Variants in DAB1 observed in about 807,000 individuals in gnomAD.
DAB1 encodes disabled homolog 1.
DAB1 carries 15 observed loss-of-function variants against 64.6 expected under a neutral mutation model. That is an observed-to-expected ratio of 0.23 (90% CI 0.16 to 0.36). The LOEUF (loss-of-function observed/expected upper bound fraction) is 0.36. Among genes scored for constraint, DAB1 ranks in the 10% least tolerant of loss-of-function variants. The pLI is 1.00. For synonymous variants in DAB1, 235 were observed against 251.9 expected (o/e 0.93, Z 0.64); for missense variants, 596 against 706.7 (o/e 0.84, Z 1.78).
intron 7 of DAB1, among the ~76,000 whole-genome samples, chr1:57,493,802 T>C (rs1356621106): frequency 7.1e-6 from 1 of 140,124 alleles, no homozygotes; most frequent in Admixed American, 6.8e-5. Context: ...TGACTGACAT[T>C]GCTTTCCCAC....
chr1:58,522,375 AT>A (rs1440695591), intron 2 of DAB1, among the ~76,000 whole-genome samples: 1 of 152,088 alleles, frequency 6.6e-6, no homozygotes, highest in Non-Finnish European at 1.5e-5. Flanking sequence ...TATATACATA[AT>A]TTTTTTAAAT....
At chr1:57,689,397 A>G (rs1237615126) in intron 6 of DAB1, among the ~76,000 whole-genome samples, 3 of 152,212 alleles carry the variant, frequency 2.0e-5, no homozygotes, top group Non-Finnish European at 4.4e-5. Context: ...ATTAGTTAGT[A>G]TCATTTAGAA....
intron 2 of DAB1, among the ~76,000 whole-genome samples, chr1:57,276,877 T>C (rs1334928731): frequency 2.6e-5 from 4 of 152,168 alleles, no homozygotes; most frequent in Admixed American, 2.0e-4. Flanking sequence ...TTCCTTGAAC[T>C]CAGGACTTCT....
At chr1:58,280,355 G>C (rs1227454278) in intron 4 of DAB1, among the ~76,000 whole-genome samples, 1 of 152,196 alleles carries the variant, frequency 6.6e-6, no homozygotes, top group East Asian at 1.9e-4. Context: ...AGCCTAGCAT[G>C]GGGATCATCA....
intron 3 of DAB1, among the ~76,000 whole-genome samples, chr1:58,347,355 G>C (rs1036374405): frequency 6.6e-6 from 1 of 152,206 alleles, no homozygotes; most frequent in East Asian, 1.9e-4. Context: ...CGATTCACCC[G>C]CCTCAGCTTC....
intron 5 of DAB1, among the ~76,000 whole-genome samples, chr1:58,056,679 C>T (rs1384071306): frequency 6.6e-6 from 1 of 152,192 alleles, no homozygotes. Flanking sequence ...CCCCCAGATG[C>T]TATCCATGTG....
intron 5 of DAB1, among the ~76,000 whole-genome samples, chr1:57,917,804 A>C (rs1644749347): frequency 6.6e-6 from 1 of 151,960 alleles, no homozygotes; most frequent in Non-Finnish European, 1.5e-5. Context: ...CCTCTTCAGC[A>C]CTCCCCATGC....
Position 57,170,745 on chromosome 1 carries a change from G to A in DAB1, c.68-25316C>T, listed in dbSNP as rs139408484. On this transcript the variant is annotated intron_variant, in intron 2 of 14. Transcript: ENST00000371236. ...GTTCTTTTTATTCCTGAAATGTCTA[G>A]GAAAACAAAAGGGATCATTCTCTTC... is the stretch of plus-strand genomic sequence containing the variant. Among the ~76,000 whole-genome samples, 285 of 152,172 alleles carry A rather than the reference G, an allele frequency of 1.9e-3. 1 individual carries two copies. The highest frequency in any genetic ancestry group is 6.3e-3 in the African/African-American group (261 of 41,510).
At chr1:57,388,272 A>G (rs111414741) in intron 1 of DAB1, among the ~76,000 whole-genome samples, 208 of 152,288 alleles carry the variant, frequency 1.4e-3, no homozygotes, top group African/African-American at 4.7e-3. Flanking sequence ...CTGTCCCTAT[A>G]TGATTCTTCT....
chr1:57,797,923 A>G (rs922964654), intron 6 of DAB1, among the ~76,000 whole-genome samples: 3 of 152,230 alleles, frequency 2.0e-5, no homozygotes, highest in Admixed American at 6.5e-5. Flanking sequence ...ACAGAAGACT[A>G]TGATAATTAC....
Position 57,431,148 on chromosome 1 carries a change from A to AAAAAC in DAB1, n.626-139983_626-139982insGTTTT, listed in dbSNP as rs1558372147. Reference sequence around the variant, plus strand: ...AAAGTATTTCAGGCCAAAAACAAAAAAAAAAAAAAGAAAAACAAAAAAAAA... The same window carrying AAAAAC: ...AAAGTATTTCAGGCCAAAAACAAAAAAAAACAAAAAAAAAGAAAAACAAAAAAAAA... On this transcript the variant is annotated intron_variant and non_coding_transcript_variant, in intron 7 of 20. Transcript: ENST00000485760. Among the ~76,000 whole-genome samples the AAAAAC allele has an allele frequency of 3.6e-4, 54 of 151,496 alleles. 2 individuals carry two copies. The highest frequency in any genetic ancestry group is 1.3e-3 in the African/African-American group (54 of 41,210).
chr1:57,216,577 A>G (rs1666443553), intron 2 of DAB1, among the ~76,000 whole-genome samples: 1 of 152,206 alleles, frequency 6.6e-6, no homozygotes, highest in African/African-American at 2.4e-5. Flanking sequence ...CTGTGGGTTG[A>G]GGCAAGCCAG....
At chr1:57,727,756 CCTCT>C (rs1318305484) in intron 6 of DAB1, among the ~76,000 whole-genome samples, 17 of 151,438 alleles carry the variant, frequency 1.1e-4, no homozygotes, top group Non-Finnish European at 2.2e-4. Context: ...TTCCTTCCTT[CCTCT>C]CTTCCTCTCT....
At chr1:57,110,394 T>C (rs1655548858) in intron 4 of DAB1, among the ~76,000 whole-genome samples, 1 of 152,336 alleles carries the variant, frequency 6.6e-6, no homozygotes, top group East Asian at 1.9e-4. Context: ...CTGCCATGAA[T>C]GGGGTTTGTC....
intron 5 of DAB1, among the ~76,000 whole-genome samples, chr1:58,101,981 T>C (rs1052309222): frequency 6.6e-6 from 1 of 152,254 alleles, no homozygotes; most frequent in East Asian, 1.9e-4. Context: ...CTCCCCATCA[T>C]GCTTGCCACA....
intron 1 of DAB1, among the ~76,000 whole-genome samples, chr1:57,297,292 C>A (rs866642464): frequency 2.0e-4 from 31 of 152,072 alleles, no homozygotes; most frequent in African/African-American, 7.2e-4. Context: ...AATTATTGAG[C>A]CAGTTGATAA....
chr1:57,449,384 C>CA (rs1407301419), intron 7 of DAB1, among the ~76,000 whole-genome samples: 4 of 139,612 alleles, frequency 2.9e-5, no homozygotes, highest in Non-Finnish European at 6.2e-5. Flanking sequence ...TGTCTATCTG[C>CA]TTTTTTTTTT....
intron 4 of DAB1, among the ~76,000 whole-genome samples, chr1:58,310,760 A>C (rs1662412451): frequency 6.6e-6 from 1 of 152,128 alleles, no homozygotes; most frequent in Admixed American, 6.5e-5. Flanking sequence ...CTGACCAACA[A>C]GTTCAGTTTA....
intron 5 of DAB1, among the ~76,000 whole-genome samples, chr1:58,047,483 G>A (rs1436300940): frequency 1.3e-5 from 2 of 152,256 alleles, no homozygotes; most frequent in African/African-American, 2.4e-5. Context: ...CACAAATGAG[G>A]GGTGTGGGTG....
Sources: allele counts gnomAD v4.1 joint callset (sites outside exome capture counted in the v4.1 genomes callset), GRCh38; gene constraint gnomAD v4.1.1; transcripts MANE v1.5; gene names NCBI Gene and HGNC (gene_info 2026-07-23, HGNC 2026-07-21).